SDC2: variants seen among roughly 807,000 people sequenced by gnomAD.
SDC2 encodes the protein syndecan 2.
SDC2 carries 13 observed loss-of-function variants against 22.2 expected under a neutral mutation model. The ratio of observed to expected loss-of-function variants is 0.59; its 90% confidence interval spans 0.38 to 0.93. The LOEUF (loss-of-function observed/expected upper bound fraction) is 0.93. Among genes scored for constraint, SDC2 ranks in the 40% least tolerant of loss-of-function variants. SDC2 has a pLI of 0.00. For missense variants in SDC2, 235 were observed against 246.8 expected, an observed-to-expected ratio of 0.95 and a Z score of 0.32; for synonymous variants, 94 against 92.8, an observed-to-expected ratio of 1.01 and a Z score of -0.07.
chr8:96,566,839 G>A (rs145329062), intron 1 of SDC2, among the ~76,000 whole-genome samples: 1 of 152,026 alleles, frequency 6.6e-6, no homozygotes, highest in Non-Finnish European at 1.5e-5. Context: ...GTATATGTAT[G>A]TTCAAGTATA....
intron 1 of SDC2, among the ~76,000 whole-genome samples, chr8:96,514,473 C>T (rs1210700222): frequency 6.6e-6 from 1 of 152,174 alleles, no homozygotes; most frequent in Admixed American, 6.5e-5. Flanking sequence ...TGGACAGGGA[C>T]ACTCATGCTG....
rs901093690 is a variant in SDC2, at chr8:96,509,452, T to A, written c.60+15121T>A. Among the ~76,000 whole-genome samples, 11 of 141,942 alleles carry A rather than the reference T, an allele frequency of 7.7e-5. 2 individuals carry two copies. The highest frequency in any genetic ancestry group is 2.8e-4 in the African/African-American group (11 of 39,770). 93.1% of individuals were successfully genotyped at this position (141,942 alleles called of 152,430 possible). ...GACAGACCGATTTTTTTCCTCTTCTTTTTGTGGCTCTTGTGTTTTGGTGAA... is the reference window on the plus strand; with the variant it reads ...GACAGACCGATTTTTTTCCTCTTCTATTTGTGGCTCTTGTGTTTTGGTGAA... On this transcript the variant is annotated intron_variant, in intron 1 of 4. Transcript: ENST00000302190.
chr8:96,590,417 TCTC>T (rs1429801358), intron 1 of SDC2, among the ~76,000 whole-genome samples: 2 of 152,172 alleles, frequency 1.3e-5, no homozygotes, highest in African/African-American at 4.8e-5. Context: ...CCCGAGGTTT[TCTC>T]CTCAGTCAAG....
chr8:96,584,701 T>C (rs1814652142), intron 1 of SDC2, among the ~76,000 whole-genome samples: 1 of 152,204 alleles, frequency 6.6e-6, no homozygotes, highest in African/African-American at 2.4e-5. Context: ...AAATAAATAC[T>C]AGAATATTCT....
chr8:96,603,150 G>C (rs1815021702), intron 3 of SDC2, among the ~76,000 whole-genome samples: 1 of 152,184 alleles, frequency 6.6e-6, no homozygotes, highest in South Asian at 2.1e-4. Context: ...TAATATTGCA[G>C]TTAGCTGACC....
Position 96,516,492 on chromosome 8 carries a change from A to C in SDC2, c.60+22161A>C, listed in dbSNP as rs186759250. On this transcript the variant is annotated intron_variant, in intron 1 of 4. Transcript: ENST00000302190. ...GCGTAGTTTTTAGTGTATTCACACAATTGTGCAACAGTGACCACAATCTAA... is the reference window on the plus strand; with the variant it reads ...GCGTAGTTTTTAGTGTATTCACACACTTGTGCAACAGTGACCACAATCTAA... Among the ~76,000 whole-genome samples the C allele has an allele frequency of 3.4e-4, 51 of 152,220 alleles. No homozygotes were observed. In the East Asian group the frequency reaches 8.9e-3, roughly 27 times the overall value.
At chr8:96,496,174 G>T (rs1406488585) in intron 1 of SDC2, among the ~76,000 whole-genome samples, 1 of 152,180 alleles carries the variant, frequency 6.6e-6, no homozygotes, top group Non-Finnish European at 1.5e-5. Flanking sequence ...TCTGGAGAAA[G>T]AATGTTTCTG....
intron 1 of SDC2, among the ~76,000 whole-genome samples, chr8:96,505,570 G>T (rs1054340762): frequency 6.6e-6 from 1 of 152,170 alleles, no homozygotes; most frequent in African/African-American, 2.4e-5. Flanking sequence ...AAAGTGCTGG[G>T]ATTACAGGCA....
At chr8:96,546,791 A>T (rs2130526595) in intron 1 of SDC2, among the ~76,000 whole-genome samples, 1 of 152,314 alleles carries the variant, frequency 6.6e-6, no homozygotes, top group South Asian at 2.1e-4. Flanking sequence ...GGATTTCTCA[A>T]GTGTTTCATT....
At chr8:96,517,164 G>A (rs1325196746) in intron 1 of SDC2, among the ~76,000 whole-genome samples, 4 of 152,110 alleles carry the variant, frequency 2.6e-5, no homozygotes, top group African/African-American at 7.2e-5. Flanking sequence ...TCTTATTGTG[G>A]TTCTGGTTTT....
chr8:96,528,409 A>G (rs1213274782), intron 1 of SDC2, among the ~76,000 whole-genome samples: 1 of 152,228 alleles, frequency 6.6e-6, no homozygotes, highest in East Asian at 1.9e-4. Flanking sequence ...AACACACGGT[A>G]TTCATTGTCC....
intron 1 of SDC2, among the ~76,000 whole-genome samples, chr8:96,588,250 A>G (rs935950213): frequency 2.6e-5 from 4 of 152,214 alleles, no homozygotes; most frequent in African/African-American, 7.2e-5. Context: ...GAAATAAATC[A>G]GTGATCTTGG....
At chr8:96,599,957 T>C (rs1157376088) in intron 2 of SDC2, among the ~76,000 whole-genome samples, 1 of 152,100 alleles carries the variant, frequency 6.6e-6, no homozygotes, top group African/African-American at 2.4e-5. Context: ...CCTGGCAACA[T>C]AGTTGAGACC....
intron 1 of SDC2, among the ~76,000 whole-genome samples, chr8:96,509,936 A>C (rs1382851707): frequency 6.6e-6 from 1 of 151,518 alleles, no homozygotes; most frequent in African/African-American, 2.4e-5. Flanking sequence ...TTTTCTTTTG[A>C]CTATTATTTT....
At chr8:96,559,438 A>C (rs1414643448) in intron 1 of SDC2, among the ~76,000 whole-genome samples, 1 of 152,178 alleles carries the variant, frequency 6.6e-6, no homozygotes, top group Admixed American at 6.5e-5. Flanking sequence ...TACTAAAGTA[A>C]GTAGTAATAG....
intron 1 of SDC2, among the ~76,000 whole-genome samples, chr8:96,540,509 CAA>C (rs537444852): frequency 4.5e-5 from 6 of 133,384 alleles, no homozygotes; most frequent in African/African-American, 8.4e-5. Context: ...ACCCCGCCTC[CAA>C]AAAAAAAAAA....
intron 1 of SDC2, among the ~76,000 whole-genome samples, chr8:96,538,417 A>T (rs568725535): frequency 6.6e-6 from 1 of 152,314 alleles, no homozygotes; most frequent in South Asian, 2.1e-4. Flanking sequence ...AAAAAAAGTT[A>T]TACTGTAAAT....
chr8:96,608,289 C>CA (rs760267305), intron 3 of SDC2, 46 bp from the exon 4 acceptor site: 2 of 1,576,846 alleles, frequency 1.3e-6, no homozygotes, highest in Non-Finnish European at 1.7e-6. Context: ...TTCTTTCCAA[C>CA]ACATTTCCTT....
intron 1 of SDC2, among the ~76,000 whole-genome samples, chr8:96,498,445 T>C (rs771198251): frequency 2.6e-5 from 4 of 151,450 alleles, no homozygotes; most frequent in Non-Finnish European, 5.9e-5. Flanking sequence ...GGTTTGGAAA[T>C]GTGGTCCCTT....
Sources: gnomAD v4.1 joint callset for allele counts (sites outside exome capture counted in the v4.1 genomes callset) on GRCh38, gnomAD v4.1.1 for gene constraint, MANE v1.5 for transcripts, NCBI Gene and HGNC (gene_info 2026-07-23, HGNC 2026-07-21) for gene names.